The following VCPIP1 variants were observed in gnomAD, a reference collection of about 807,000 sequenced individuals.
VCPIP1 encodes the protein valosin containing protein interacting protein 1.
Under a neutral mutation model 85.0 loss-of-function variants are expected in VCPIP1, and 8 were observed. The ratio of observed to expected loss-of-function variants is 0.09; its 90% CI spans 0.06 to 0.17. VCPIP1 has a LOEUF of 0.17. VCPIP1 is among the 10% of genes least tolerant of loss of function. The pLI is 1.00. For synonymous variants in VCPIP1, 543 were observed against 544.5 expected (o/e 1.00, Z 0.04); for missense variants, 1,070 against 1,486.3 (o/e 0.72, Z 4.61).
intron 1 of VCPIP1, 44 bp from the exon 2 acceptor site, chr8:66,651,588 G>A (rs1811054666): frequency 6.5e-7 from 1 of 1,527,790 alleles, no homozygotes; most frequent in Non-Finnish European, 9.0e-7. Flanking sequence ...AAACAAAAGA[G>A]TTCCATCCAG....
Position 66,666,816 on chromosome 8 carries a change from C to T in VCPIP1, c.143G>A (p.Ser48Asn). The change falls in exon 1 of 3, where the codon AGC becomes AAC. Residue 48 changes from serine (S) to asparagine (N), a missense_variant. Around this residue, in one of 8 missense-constraint regions of VCPIP1, gnomAD observed 164 missense variants for 158.6 expected, o/e 1.03. Coordinates refer to ENST00000310421, the MANE Select transcript of VCPIP1 (RefSeq NM_025054.5). The surrounding 1 kb of genome is among the most constrained non-coding windows in gnomAD (Gnocchi z 6.3). Reference sequence around the variant, plus strand: ...CGCCTGACACTTCGGATCCGGGCAGCTCCCGGAAAGGATTCTCCGGTCTCT... The same window carrying T: ...CGCCTGACACTTCGGATCCGGGCAGTTCCCGGAAAGGATTCTCCGGTCTCT... Reference protein sequence around the residue: ...KRRDRRILSGSCPDPKCQARL... With the variant: ...KRRDRRILSGNCPDPKCQARL... 2 of 1,613,962 alleles carry T rather than the reference C, an allele frequency of 1.2e-6. No homozygotes were observed. The highest frequency in any genetic ancestry group is 1.7e-6 in the Non-Finnish European group (2 of 1,179,978).
At chr8:66,651,952 A>C (rs1285154857) in intron 1 of VCPIP1, among the ~76,000 whole-genome samples, 2 of 151,282 alleles carry the variant, frequency 1.3e-5, no homozygotes, top group Non-Finnish European at 2.9e-5. Context: ...GTCTGTGGAT[A>C]GCCTGAGTTC....
Position 66,665,951 on chromosome 8 carries a change from A to G in VCPIP1, c.1008T>C (p.Asp336=), listed in dbSNP as rs773703038. ...LIPAEKCTGK[D]GHLNKPICIA... ...TACAGATTGGTTTGTTCAAATGACC[A>G]TCTTTCCCAGTGCACTTCTCTGCAG... Residue 336 remains aspartate, a synonymous_variant, in exon 1 of 3, where the codon GAT becomes GAC. Coordinates refer to ENST00000310421, the MANE Select transcript of VCPIP1 (RefSeq NM_025054.5). This position sits in a 1 kb window ranked among gnomAD's most constrained non-coding sequence, Gnocchi z 4.3. 2 of 1,614,186 alleles carry G rather than the reference A, an allele frequency of 1.2e-6. No homozygotes were observed. The highest frequency in any genetic ancestry group is 1.7e-6 in the Non-Finnish European group (2 of 1,180,040).
At chr8:66,653,804 C>A (rs2130170733) in intron 1 of VCPIP1, among the ~76,000 whole-genome samples, 1 of 152,310 alleles carries the variant, frequency 6.6e-6, no homozygotes, top group South Asian at 2.1e-4. Flanking sequence ...CCCATGTCCT[C>A]ATGATATTTG....
rs1164685535 is a variant in VCPIP1, at chr8:66,629,606, A to G, written c.*4895T>C. 1 of 152,172 alleles carries G rather than the reference A, an allele frequency of 6.6e-6. No individual in the cohort carries two copies. Among genetic ancestry groups the G allele is most frequent in the East Asian group, 1.9e-4 (1 of 5,190 alleles). 9.4% of individuals were successfully genotyped at this position (152,172 alleles called of 1,614,324 possible). A position where few individuals can be genotyped will look rare whatever the true frequency, so the allele number is the denominator to read the frequency against. ...CTCACGCCTGTAATCCCAGCACTTA[A>G]AGAGGCAGAGGAGGGCAGATCACTT... On this transcript the variant is annotated 3_prime_UTR_variant, in exon 3 of 3. Coordinates refer to ENST00000310421, the MANE Select transcript of VCPIP1 (RefSeq NM_025054.5).
At position 66,664,154 on chromosome 8, in the gene VCPIP1, A is replaced by G. The variant is rs1811183421; in HGVS notation, c.2710+95T>C. 3.6e-6 allele frequency: 5 copies of G among 1,372,398 alleles called. No individual in the cohort carries two copies. In the South Asian group the frequency reaches 7.5e-5, roughly 21 times the overall value. 85.0% of individuals were successfully genotyped at this position (1,372,398 alleles called of 1,614,324 possible). ...TGAAATATATAATTAAAAACTTACA[A>G]TGGCTACAGATTTCTTTTCCCCCAA... On this transcript the variant is annotated intron_variant, in intron 1 of 2. Transcript: ENST00000310421.
At chr8:66,659,415 TA>T (rs1240053796) in intron 1 of VCPIP1, among the ~76,000 whole-genome samples, 1 of 152,174 alleles carries the variant, frequency 6.6e-6, no homozygotes, top group Non-Finnish European at 1.5e-5. Context: ...TAAAAGAGAT[TA>T]AAAATGTAAA....
Position 66,666,869 on chromosome 8 carries a change from C to T in VCPIP1, c.90G>A (p.Ala30=), listed in dbSNP as rs978168283. 2.5e-6 allele frequency: 4 copies of T among 1,612,872 alleles called. No individual in the cohort carries two copies. The African/African-American group carries it at 5.3e-5, about 22-fold the overall frequency. The change falls in exon 1 of 3, where the codon GCG becomes GCA. Residue 30 remains alanine, a synonymous_variant. Transcript: ENST00000310421. The surrounding 1 kb of genome is among the most constrained non-coding windows in gnomAD (Gnocchi z 6.3). ...GCTTCAAAAGCCCCCCCGAAGCAGC[C>T]GCCGACGCCAAGGACGACGGAGTCT... is the stretch of plus-strand genomic sequence containing the variant. ...APQTPSSLAS[A]AASGGLLKRR... is the part of the protein sequence containing the mutation.
Position 66,634,390 on chromosome 8 carries a change from T to G in VCPIP1, c.*111A>C. ...ATGCACTGAATAACAAGATATAATC[T>G]TTGAATTATATACGTACAAGATTTT... On this transcript the variant is annotated 3_prime_UTR_variant, in exon 3 of 3. Transcript: ENST00000310421. The G allele has an allele frequency of 7.9e-7, 1 of 1,265,910 alleles. No individual in the cohort carries two copies. The highest frequency in any genetic ancestry group is 1.5e-5 in the South Asian group (1 of 66,958). 78.4% of individuals were successfully genotyped at this position (1,265,910 alleles called of 1,614,324 possible). A position where few individuals can be genotyped will look rare whatever the true frequency, so the allele number is the denominator to read the frequency against.
chr8:66,638,783 A>AAAAGAAAG (rs535625182), intron 2 of VCPIP1, among the ~76,000 whole-genome samples: 5 of 152,078 alleles, frequency 3.3e-5, no homozygotes, highest in Admixed American at 3.3e-4. Context: ...CTGTCTCAAA[A>AAAAGAAAG]AAAGAAAGAA....
rs759133422 is a variant in VCPIP1, at chr8:66,665,961, G to C, written c.998C>G (p.Thr333Ser). Residue 333 changes from threonine (T) to serine (S), a missense_variant, in exon 1 of 3, where the codon ACT (threonine) becomes AGT (serine). Coordinates refer to ENST00000310421, the MANE Select transcript of VCPIP1 (RefSeq NM_025054.5). The surrounding 1 kb of genome is among the most constrained non-coding windows in gnomAD (Gnocchi z 4.3). ...LPGLIPAEKC[T>S]GKDGHLNKPI... ...TTTGTTCAAATGACCATCTTTCCCA[G>C]TGCACTTCTCTGCAGGGATGAGCCC... The C allele has an allele frequency of 6.2e-7, 1 of 1,614,068 alleles. No individual in the cohort carries two copies. The highest frequency in any genetic ancestry group is 1.3e-5 in the African/African-American group (1 of 74,916).
At position 66,665,614 on chromosome 8, in the gene VCPIP1, G is replaced by T. The variant is rs1811200162; in HGVS notation, c.1345C>A (p.Gln449Lys). 1 of 1,614,170 alleles carries T rather than the reference G, an allele frequency of 6.2e-7. No homozygotes were observed. Among genetic ancestry groups the T allele is most frequent in the Non-Finnish European group, 8.5e-7 (1 of 1,180,032 alleles). ...FYRRTGVIGV[Q>K]PEEVTAAAKK... ...GCAGCTGCTGTGACTTCCTCAGGCT[G>T]AACTCCTATCACTCCAGTCCTTCTG... is the stretch of plus-strand genomic sequence containing the variant. Residue 449 changes from glutamine (Q) to lysine (K), a missense_variant, in exon 1 of 3, where the codon CAG becomes AAG. Coordinates refer to ENST00000310421, the MANE Select transcript of VCPIP1 (RefSeq NM_025054.5). This position sits in a 1 kb window ranked among gnomAD's most constrained non-coding sequence, Gnocchi z 4.3.
Position 66,637,797 on chromosome 8 carries a change from A to G in VCPIP1, c.2798-2425T>C, listed in dbSNP as rs537359317. On this transcript the variant is annotated intron_variant, in intron 2 of 2. Transcript: ENST00000310421. ...ATCCTGGCTAGCACAGTGAAACCCC[A>G]TCTCTACCAAAAATACAAAAAAAAA... Among the ~76,000 whole-genome samples the G allele has an allele frequency of 1.4e-4, 21 of 151,958 alleles. No homozygotes were observed. The East Asian group carries it at 3.9e-3, about 28-fold the overall frequency.
chr8:66,664,473 G>A lies in VCPIP1; in HGVS notation c.2486C>T (p.Pro829Leu). Residue 829 changes from proline to leucine, a missense_variant, in exon 1 of 3, where the codon CCA becomes CTA. Pro to Leu is a moderately conservative substitution (Grantham distance 98, BLOSUM62 -3). Coordinates refer to ENST00000310421, the MANE Select transcript of VCPIP1 (RefSeq NM_025054.5). Reference sequence around the variant, plus strand: ...TGGTTCCTTTTCCATTCCTGCCTGTGGTGGCATTAACTCTTTAGGAGGAAA... The same window carrying A: ...TGGTTCCTTTTCCATTCCTGCCTGTAGTGGCATTAACTCTTTAGGAGGAAA... The part of the protein sequence containing the change: ...YGFPPKELMP[P>L]QAGMEKEPVP... The A allele has an allele frequency of 6.2e-7, 1 of 1,613,942 alleles. No homozygotes were observed. The highest frequency in any genetic ancestry group is 8.5e-7 in the Non-Finnish European group (1 of 1,179,884).
rs112620205 is a variant in VCPIP1, at chr8:66,658,913, C to A, written c.2710+5336G>T. Reference sequence around the variant, plus strand: ...TCTTTCAGGAACAGAGAAAGTATATCAAAATGAAACAAGTTTCTCAACTCC... The same window carrying A: ...TCTTTCAGGAACAGAGAAAGTATATAAAAATGAAACAAGTTTCTCAACTCC... On this transcript the variant is annotated intron_variant, in intron 1 of 2. Transcript: ENST00000310421. 8.8e-3 allele frequency among the ~76,000 whole-genome samples: 1,337 copies of A among 152,152 alleles called. 22 individuals are homozygous for A. The highest frequency in any genetic ancestry group is 0.03 in the African/African-American group (1,227 of 41,502).
At chr8:66,639,063 T>C (rs561800914) in intron 2 of VCPIP1, among the ~76,000 whole-genome samples, 53 of 150,780 alleles carry the variant, frequency 3.5e-4, no homozygotes, top group Non-Finnish European at 6.5e-4. Flanking sequence ...TGGCTCACCA[T>C]GGCCTCAGCC....
chr8:66,658,648 C>T (rs917035024), intron 1 of VCPIP1, among the ~76,000 whole-genome samples: 1 of 151,816 alleles, frequency 6.6e-6, no homozygotes, highest in South Asian at 2.1e-4. Flanking sequence ...GCCATCATGC[C>T]CGGCTAATTT....
Position 66,664,788 on chromosome 8 carries a change from G to C in VCPIP1, c.2171C>G (p.Ala724Gly). 6.2e-7 allele frequency: 1 copy of C among 1,612,710 alleles called. No homozygotes were observed. Among genetic ancestry groups the C allele is most frequent in the African/African-American group, 1.3e-5 (1 of 74,854 alleles). The change falls in exon 1 of 3, where the codon GCT becomes GGT. Residue 724 changes from alanine to glycine, a missense_variant. Physicochemically the swap from Ala to Gly is moderately conservative, Grantham distance 60 (BLOSUM62 0). This residue lies in a region of VCPIP1 where 278 missense variants were observed against 298.5 expected (regional missense o/e 0.93). Transcript: ENST00000310421. ...TGTTTTCCGTTTCTGCATTACAGAA[G>C]CCTGTTCCGTAATATTCTGTTGAAT... ...RTIQQNITEQ[A>G]SVMQKRKTEK...
rs774673882 is a variant in VCPIP1 at position 66,666,860 on chromosome 8, C to G, written c.99G>C (p.Ser33=). ...TPSSLASAAA[S]GGLLKRRDRR... ...GGTCTCTCCGCTTCAAAAGCCCCCCCGAAGCAGCCGCCGACGCCAAGGACG... is the reference window on the plus strand; with the variant it reads ...GGTCTCTCCGCTTCAAAAGCCCCCCGGAAGCAGCCGCCGACGCCAAGGACG... Residue 33 remains serine, a synonymous_variant, in exon 1 of 3, where the codon TCG becomes TCC. Transcript: ENST00000310421. The surrounding 1 kb of genome is among the most constrained non-coding windows in gnomAD (Gnocchi z 6.3). 1.9e-5 allele frequency: 31 copies of G among 1,613,122 alleles called. No individual in the cohort carries two copies. The African/African-American group carries it at 3.2e-4, about 17-fold the overall frequency.
Sources: gnomAD v4.1 joint callset for allele counts (sites outside exome capture counted in the v4.1 genomes callset) on GRCh38, gnomAD v4.1.1 for gene constraint, gnomAD v4.1.1 regional missense constraint, Gnocchi (gnomAD v3.1) non-coding constraint, MANE v1.5 for transcripts, NCBI Gene and HGNC (gene_info 2026-07-23, HGNC 2026-07-21) for gene names.